ASCC2: variants seen among roughly 807,000 people sequenced by gnomAD.
The protein encoded by ASCC2 is activating signal cointegrator 1 complex subunit 2.
Under a neutral mutation model 93.5 loss-of-function variants are expected in ASCC2, and 42 were observed. The observed-to-expected ratio is 0.45, with a 90% CI of 0.35 to 0.58. ASCC2 has a LOEUF of 0.58. Ranked by LOEUF, ASCC2 falls within the 20% of genes least tolerant of loss-of-function variation. The pLI is 0.00. For missense variants in ASCC2, 859 were observed against 977.6 expected (o/e 0.88, Z 1.62); for synonymous variants, 364 against 384.2 (o/e 0.95, Z 0.62).
intron 17 of ASCC2, 21 bp downstream of exon 17, chr22:29,793,339 C>T (rs755513921): frequency 1.2e-6 from 2 of 1,612,208 alleles, no homozygotes; most frequent in South Asian, 1.1e-5. Context: ...CCCTGGAACG[C>T]CACCCCCACT....
intron 2 of ASCC2, among the ~76,000 whole-genome samples, chr22:29,831,887 G>A (rs189169919): frequency 1.7e-3 from 258 of 152,204 alleles, no homozygotes; most frequent in African/African-American, 5.7e-3. Flanking sequence ...CTCTGAAAAC[G>A]CTACCTGAAA....
At chr22:29,836,745 G>A (rs1400590938) in intron 1 of ASCC2, among the ~76,000 whole-genome samples, 1 of 152,128 alleles carries the variant, frequency 6.6e-6, no homozygotes, top group Non-Finnish European at 1.5e-5. Flanking sequence ...TAGAGAGAGG[G>A]TTTTGCCATG....
intron 18 of ASCC2, 83 bp from the exon 19 acceptor site, chr22:29,790,631 G>C: frequency 7.3e-7 from 1 of 1,373,112 alleles, no homozygotes. Flanking sequence ...CTCAAGTGAA[G>C]CTTGTCGATG....
chr22:29,806,512 A>C lies in ASCC2; in HGVS notation c.1058T>G (p.Ile353Ser). ...CTTCTCCTGCAGCAAGGAGCTGAAG[A>C]TCTGAAGGAACTCTTCGATGAAGCC... Reference protein sequence around the residue: ...IQGFIEEFLQIFSSLLQEKRF... With the variant: ...IQGFIEEFLQSFSSLLQEKRF... Residue 353 changes from isoleucine (I) to serine (S), a missense_variant, in exon 11 of 20, where the codon ATC (isoleucine) becomes AGC (serine). Physicochemically the swap from Ile to Ser is moderately radical, Grantham distance 142 (BLOSUM62 -2). Coordinates refer to ENST00000307790, the MANE Select transcript of ASCC2 (RefSeq NM_032204.5). 1 of 1,614,042 alleles carries C rather than the reference A, an allele frequency of 6.2e-7. No individual in the cohort carries two copies. Among genetic ancestry groups the C allele is most frequent in the Non-Finnish European group, 8.5e-7 (1 of 1,179,962 alleles).
chr22:29,802,316 G>A, intron 13 of ASCC2, 108 bp from the exon 14 acceptor site: 1 of 1,084,164 alleles, frequency 9.2e-7, no homozygotes. Context: ...TTCAAGTCCT[G>A]GGATTACCCC....
chr22:29,806,448 G>A, intron 11 of ASCC2, 37 bp downstream of exon 11: 1 of 1,606,362 alleles, frequency 6.2e-7, no homozygotes, highest in South Asian at 1.1e-5. Context: ...GGACCTGTGG[G>A]AGGGTCATGG....
rs1038122767 is a variant in ASCC2, at chr22:29,816,062, T to C, written c.553A>G (p.Thr185Ala). 5 of 1,595,980 alleles carry C rather than the reference T, an allele frequency of 3.1e-6. No individual in the cohort carries two copies. Among genetic ancestry groups the C allele is most frequent in the Admixed American group, 1.7e-5 (1 of 57,410 alleles). The stretch of plus-strand genomic sequence containing the variant: ...TCACTGTAGTAACTTGGCTGCTGTG[T>C]AAAGATGTTTCCTAAAAAGAGAAGA... ...LLQKMIGNIF[T>A]QQPSYYSDLD... The change falls in exon 6 of 20, where the codon ACA (threonine) becomes GCA (alanine). Residue 185 changes from threonine to alanine, a missense_variant. Transcript: ENST00000307790.
chr22:29,828,043 G>C (rs1016425241), intron 2 of ASCC2, among the ~76,000 whole-genome samples: 15 of 152,190 alleles, frequency 9.9e-5, no homozygotes, highest in African/African-American at 3.6e-4. Flanking sequence ...ATCACCAAGT[G>C]AGCACAAAAC....
chr22:29,830,216 T>C (rs1449405480), intron 2 of ASCC2, among the ~76,000 whole-genome samples: 2 of 152,236 alleles, frequency 1.3e-5, no homozygotes, highest in Non-Finnish European at 2.9e-5. Flanking sequence ...AGGCATCTCA[T>C]TTAATCCCCA....
intron 15 of ASCC2, among the ~76,000 whole-genome samples, chr22:29,795,263 A>G (rs868156908): frequency 6.6e-6 from 1 of 151,928 alleles, no homozygotes; most frequent in South Asian, 2.1e-4. Flanking sequence ...GGGTCTCACT[A>G]TATTGCCCAG....
intron 4 of ASCC2, among the ~76,000 whole-genome samples, chr22:29,823,806 C>T (rs919034615): frequency 7.4e-5 from 11 of 148,972 alleles, no homozygotes; most frequent in African/African-American, 2.7e-4. Context: ...GAGATCATGC[C>T]ATTGCACTCC....
chr22:29,821,176 T>C (rs1168330091), intron 5 of ASCC2, among the ~76,000 whole-genome samples: 1 of 152,104 alleles, frequency 6.6e-6, no homozygotes, highest in Non-Finnish European at 1.5e-5. Flanking sequence ...TGTGTGTGTG[T>C]GCGTATAAAG....
At chr22:29,799,674 G>C (rs1048168070) in intron 15 of ASCC2, among the ~76,000 whole-genome samples, 2 of 152,204 alleles carry the variant, frequency 1.3e-5, no homozygotes, top group African/African-American at 4.8e-5. Flanking sequence ...GCAGAACTTT[G>C]GGGGACTAGA....
chr22:29,824,312 G>C (rs2062010356), intron 4 of ASCC2, among the ~76,000 whole-genome samples: 1 of 149,916 alleles, frequency 6.7e-6, no homozygotes, highest in Non-Finnish European at 1.5e-5. Flanking sequence ...CAAATTCCCT[G>C]AAGAAATATG....
Position 29,825,023 on chromosome 22 carries a change from T to G in ASCC2, c.411+64A>C. 1 of 1,293,908 alleles carries G rather than the reference T, an allele frequency of 7.7e-7. No individual in the cohort carries two copies. The highest frequency in any genetic ancestry group is 1.0e-6 in the Non-Finnish European group (1 of 985,756). The allele number at this position is 1,293,908 out of a possible 1,614,324, so 80.2% of individuals were successfully genotyped here. On this transcript the variant is annotated intron_variant, in intron 4 of 19. Coordinates refer to ENST00000307790, the MANE Select transcript of ASCC2 (RefSeq NM_032204.5). The surrounding 1 kb of genome is among the most constrained non-coding windows in gnomAD (Gnocchi z 4.9). The stretch of plus-strand genomic sequence containing the variant: ...CTTCCAGAGCCTTCCTTCCCAGGGG[T>G]GGAGAGCCCGGCACAGAGGTGTCGA...
intron 8 of ASCC2, among the ~76,000 whole-genome samples, chr22:29,808,649 T>C (rs1451305817): frequency 1.3e-5 from 2 of 151,354 alleles, no homozygotes; most frequent in African/African-American, 2.4e-5. Flanking sequence ...CTGGTGAAAC[T>C]CCATCTCTAC....
At position 29,806,747 on chromosome 22, in the gene ASCC2, G is replaced by C. The variant is rs79701596; in HGVS notation, c.1016+50C>G. 3,767 of 1,531,880 alleles carry C rather than the reference G, an allele frequency of 2.5e-3. 77 individuals are homozygous for C. The African/African-American group carries it at 0.043, about 18-fold the overall frequency. The allele number at this position is 1,531,880 out of a possible 1,614,324, so 94.9% of individuals were successfully genotyped here. ...ATGAAATAATGGAAACGCTCCTGAA[G>C]GGCTTGGGGAGGAGACTCTTCCACC... On this transcript the variant is annotated intron_variant, in intron 10 of 19. Transcript: ENST00000307790.
intron 12 of ASCC2, 60 bp downstream of exon 12, chr22:29,806,156 G>A (rs963952128): frequency 6.4e-7 from 1 of 1,559,304 alleles, no homozygotes; most frequent in Admixed American, 1.7e-5. Flanking sequence ...CCAGCAGCCT[G>A]TCTCACCTCT....
chr22:29,827,208 A>G (rs1400015945), intron 2 of ASCC2, among the ~76,000 whole-genome samples: 1 of 151,178 alleles, frequency 6.6e-6, no homozygotes, highest in Non-Finnish European at 1.5e-5. Flanking sequence ...GCGTAGAATC[A>G]CAAGTTCTCC....
Sources: allele counts gnomAD v4.1 joint callset (sites outside exome capture counted in the v4.1 genomes callset), GRCh38; gene constraint gnomAD v4.1.1; non-coding constraint Gnocchi (gnomAD v3.1); transcripts MANE v1.5; gene names NCBI Gene and HGNC (gene_info 2026-07-23, HGNC 2026-07-21).